The following SVIL variants were observed in gnomAD, a reference collection of about 807,000 sequenced individuals.
The protein encoded by SVIL is supervillin, also known as archvillin.
Under a neutral mutation model 240.4 loss-of-function variants are expected in SVIL, and 101 were observed. The ratio of observed to expected loss-of-function variants is 0.42; its 90% CI spans 0.36 to 0.50. The LOEUF (loss-of-function observed/expected upper bound fraction) is 0.50, where lower values mean the gene tolerates loss of function less well. Ranked by LOEUF, SVIL falls within the 20% of genes least tolerant of loss-of-function variation. The probability of loss-of-function intolerance (pLI) is 0.01; values close to 1 mark genes in which losing one functional copy is unlikely to be tolerated. For missense variants in SVIL, 2,512 were observed against 2,818.7 expected, an observed-to-expected ratio of 0.89 and a Z score of 2.46; for synonymous variants, 999 against 1,100.0, an observed-to-expected ratio of 0.91 and a Z score of 1.82.
At chr10:29,646,729 G>A (rs1396242835) in intron 3 of SVIL, among the ~76,000 whole-genome samples, 1 of 152,158 alleles carries the variant, frequency 6.6e-6, no homozygotes, top group Non-Finnish European at 1.5e-5. Flanking sequence ...TTAATGCCAG[G>A]CTGCAGTAGG....
At chr10:29,671,589 C>G (rs1959778014) in intron 2 of SVIL, among the ~76,000 whole-genome samples, 1 of 152,212 alleles carries the variant, frequency 6.6e-6, no homozygotes, top group Non-Finnish European at 1.5e-5. Context: ...GATCACATAT[C>G]CCCTTCCTTG....
At chr10:29,633,806 T>C (rs976653665) in intron 1 of SVIL, among the ~76,000 whole-genome samples, 1 of 152,194 alleles carries the variant, frequency 6.6e-6, no homozygotes, top group Non-Finnish European at 1.5e-5. Flanking sequence ...GCTGATGCAG[T>C]ATTTTTTCTT....
intron 1 of SVIL, among the ~76,000 whole-genome samples, chr10:29,572,081 G>T (rs1372397569): frequency 6.6e-6 from 1 of 152,140 alleles, no homozygotes; most frequent in African/African-American, 2.4e-5. Flanking sequence ...TCTAAAATGG[G>T]TGTGTGGAGT....
chr10:29,694,231 CAAAAAAA>C lies in SVIL; in HGVS notation c.-399-7587_-399-7581del, dbSNP rs61095076. Among the ~76,000 whole-genome samples the C allele has an allele frequency of 2.7e-3, 274 of 99,856 alleles. 8 individuals carry two copies. The East Asian group carries it at 0.056, about 20-fold the overall frequency. The allele number at this position is 99,856 out of a possible 152,430, so 65.5% of individuals were successfully genotyped here. A position where few individuals can be genotyped will look rare whatever the true frequency, so the allele number is the denominator to read the frequency against. On this transcript the variant is annotated intron_variant, in intron 1 of 35. Transcript: ENST00000375400. ...CAACAGAGCAAGACACTGTGTCTAC[CAAAAAAA>C]AAAAAAAAAAAAATCTTTTCTTAAA...
At chr10:29,705,641 C>A (rs1279465489) in intron 1 of SVIL, among the ~76,000 whole-genome samples, 3 of 152,080 alleles carry the variant, frequency 2.0e-5, no homozygotes, top group African/African-American at 7.2e-5. Context: ...TCCCCTTGAC[C>A]CGCAACCCCC....
rs775231478 is a variant in SVIL at position 29,527,054 on chromosome 10, T to A, written c.2249A>T (p.Glu750Val). 21 of 1,613,720 alleles carry A rather than the reference T, an allele frequency of 1.3e-5. 1 individual carries two copies. In the South Asian group the frequency reaches 2.3e-4, roughly 18 times the overall value. ...TTEEVVIAAT[E>V]PIPASCSGGT... ...CCCAGAACACGAAGCGGGGATAGGTTCACTTTAAAAGCAATTGCCAAAGAG... is the reference window on the plus strand; with the variant it reads ...CCCAGAACACGAAGCGGGGATAGGTACACTTTAAAAGCAATTGCCAAAGAG... Residue 750 changes from glutamate to valine, a missense_variant and splice_region_variant, in exon 13 of 38, where the codon GAA becomes GTA. By Grantham distance (121) the Glu-to-Val change is moderately radical. Around this residue, in one of 3 missense-constraint regions of SVIL, gnomAD observed 1,443 missense variants for 1,486.6 expected, o/e 0.97. Coordinates refer to ENST00000355867, the MANE Select transcript of SVIL (RefSeq NM_021738.3).
chr10:29,462,045 T>TTAAG (rs1208818744), intron 36 of SVIL, among the ~76,000 whole-genome samples: 2 of 152,250 alleles, frequency 1.3e-5, no homozygotes, highest in Non-Finnish European at 2.9e-5. Flanking sequence ...ACCTTTGCTT[T>TTAAG]TAAGTTTTTA....
chr10:29,608,380 T>C (rs12249022), intron 1 of SVIL, among the ~76,000 whole-genome samples: 3 of 152,220 alleles, frequency 2.0e-5, no homozygotes, highest in Admixed American at 6.5e-5. Flanking sequence ...AAGCCATGGC[T>C]GGGATTGTGC....
rs1948135294 is a variant in SVIL, at chr10:29,493,272, T to C, written c.3961A>G (p.Arg1321Gly). 1.2e-6 allele frequency: 2 copies of C among 1,614,076 alleles called. No homozygotes were observed. The highest frequency in any genetic ancestry group is 2.2e-5 in the South Asian group (2 of 91,082). The change falls in exon 21 of 38, where the codon AGA (arginine) becomes GGA (glycine). Residue 1321 changes from arginine to glycine, a missense_variant. By Grantham distance (125) the Arg-to-Gly change is moderately radical. Coordinates refer to ENST00000355867, the MANE Select transcript of SVIL (RefSeq NM_021738.3). Reference sequence around the variant, plus strand: ...TCCTCATCCATCTCCACAGGACTTCTTGGCATATTATAATCCACGCTGCGG... The same window carrying C: ...TCCTCATCCATCTCCACAGGACTTCCTGGCATATTATAATCCACGCTGCGG... Reference protein sequence around the residue: ...FYRSVDYNMPRSPVEMDEDFD... With the variant: ...FYRSVDYNMPGSPVEMDEDFD...
intron 16 of SVIL, 120 bp downstream of exon 16, chr10:29,522,290 G>T: frequency 2.1e-6 from 2 of 971,610 alleles, no homozygotes; most frequent in Non-Finnish European, 3.1e-6. Flanking sequence ...CAACAGCACA[G>T]TCCTGTTAGA....
chr10:29,683,961 A>G (rs1960863136), intron 2 of SVIL, among the ~76,000 whole-genome samples: 3 of 152,204 alleles, frequency 2.0e-5, no homozygotes, highest in Admixed American at 2.0e-4. Context: ...ACCCCAAATC[A>G]TGACAGAAGC....
chr10:29,532,506 A>AG (rs750806014), intron 8 of SVIL, 23 bp downstream of exon 8: 1 of 1,587,672 alleles, frequency 6.3e-7, no homozygotes, highest in East Asian at 2.2e-5. Flanking sequence ...ACACAGCTGG[A>AG]GGGCGTGTGA....
intron 1 of SVIL, among the ~76,000 whole-genome samples, chr10:29,710,290 T>C (rs2479450): frequency 0.68 from 102,646 of 152,060 alleles, 34,799 homozygotes; most frequent in East Asian, 0.81. Flanking sequence ...CTGGGCTCAA[T>C]TGATCTGCCC....
At chr10:29,605,779 T>C (rs1302598811) in intron 1 of SVIL, among the ~76,000 whole-genome samples, 1 of 150,424 alleles carries the variant, frequency 6.6e-6, no homozygotes, top group Non-Finnish European at 1.5e-5. Context: ...TGTGTGTGTT[T>C]GTGTAGAGAG....
intron 3 of SVIL, among the ~76,000 whole-genome samples, chr10:29,647,841 C>G (rs1015017426): frequency 1.3e-5 from 2 of 151,848 alleles, no homozygotes; most frequent in African/African-American, 4.8e-5. Context: ...CTTGCTTTCC[C>G]AATTTAGAAA....
intron 1 of SVIL, among the ~76,000 whole-genome samples, chr10:29,629,484 G>A (rs763162036): frequency 6.6e-6 from 1 of 152,142 alleles, no homozygotes; most frequent in Non-Finnish European, 1.5e-5. Context: ...CAAGACTGCA[G>A]GTGATTCCTA....
intron 5 of SVIL, among the ~76,000 whole-genome samples, chr10:29,551,644 T>G (rs1315122503): frequency 6.6e-6 from 1 of 152,236 alleles, no homozygotes; most frequent in Admixed American, 6.5e-5. Context: ...TTGGGTCCTC[T>G]GGGAAAGACA....
At chr10:29,623,086 T>C (rs1004430196) in intron 1 of SVIL, among the ~76,000 whole-genome samples, 1 of 152,068 alleles carries the variant, frequency 6.6e-6, no homozygotes, top group Non-Finnish European at 1.5e-5. Context: ...CCCAGGAAAT[T>C]TTCCCCTAAT....
chr10:29,524,461 A>G lies in SVIL; in HGVS notation c.2586+11T>C. ...CACACACAAACTGCAATCGGACTAT[A>G]GCACACCCACCTGCTCCACCTCTCC... On this transcript the variant is annotated intron_variant, in intron 14 of 37. Transcript: ENST00000355867. 6.2e-7 allele frequency: 1 copy of G among 1,613,606 alleles called. No homozygotes were observed.
Sources: allele counts gnomAD v4.1 joint callset (sites outside exome capture counted in the v4.1 genomes callset), GRCh38; gene constraint gnomAD v4.1.1; regional missense constraint gnomAD v4.1.1; transcripts MANE v1.5; gene names NCBI Gene and HGNC (gene_info 2026-07-23, HGNC 2026-07-21).